The following PCDHA2 variants were observed in gnomAD, a reference collection of about 807,000 sequenced individuals.
PCDHA2 encodes the protein protocadherin alpha-2.
A neutral mutation model predicts 66.0 loss-of-function variants in PCDHA2; 58 were observed. The ratio of observed to expected loss-of-function variants is 0.88; its 90% confidence interval spans 0.71 to 1.09. The LOEUF (loss-of-function observed/expected upper bound fraction) is 1.09. PCDHA2 is among the 50% of genes least tolerant of loss of function. The pLI, the probability that PCDHA2 is intolerant of heterozygous loss-of-function variation, is 0.00. For missense variants in PCDHA2, 1,267 were observed against 1,242.3 expected (o/e 1.02, Z -0.30); for synonymous variants, 634 against 554.0 (o/e 1.14, Z -2.03).
intron 1 of PCDHA2, chr5:140,823,980 G>T (rs2150131135): frequency 1.9e-6 from 3 of 1,614,052 alleles, no homozygotes; most frequent in East Asian, 2.2e-5. Flanking sequence ...CACGGGGCAA[G>T]CCCACTCTGT....
intron 3 of PCDHA2, among the ~76,000 whole-genome samples, chr5:141,007,174 G>A (rs926344346): frequency 6.6e-6 from 1 of 152,118 alleles, no homozygotes; most frequent in African/African-American, 2.4e-5. Context: ...AGAGAGAAAG[G>A]TCAGGAGAAT....
intron 1 of PCDHA2, chr5:140,836,420 G>C (rs2150260462): frequency 6.2e-7 from 1 of 1,613,810 alleles, no homozygotes; most frequent in Non-Finnish European, 8.5e-7. Context: ...CAAAGGCGTC[G>C]TCGCGGGCAT....
At chr5:140,949,670 T>G (rs1218670800) in intron 1 of PCDHA2, among the ~76,000 whole-genome samples, 2 of 151,862 alleles carry the variant, frequency 1.3e-5, no homozygotes, top group African/African-American at 4.8e-5. Flanking sequence ...CTTTAAAGTA[T>G]GCCCTTGTTG....
At chr5:140,894,717 A>G (rs1349709964) in intron 1 of PCDHA2, among the ~76,000 whole-genome samples, 1 of 151,920 alleles carries the variant, frequency 6.6e-6, no homozygotes, top group Non-Finnish European at 1.5e-5. Flanking sequence ...GTTGTTTTCA[A>G]ATATTACGTA....
intron 1 of PCDHA2, chr5:140,802,128 G>A (rs782244607): frequency 1.2e-6 from 2 of 1,614,194 alleles, no homozygotes; most frequent in East Asian, 2.2e-5. Context: ...CATAGATTTC[G>A]AGGAAAGTAA....
chr5:140,806,621 A>C (rs1228177871), intron 1 of PCDHA2, among the ~76,000 whole-genome samples: 2 of 144,986 alleles, frequency 1.4e-5, no homozygotes, highest in Admixed American at 7.1e-5. Context: ...CAAGTCAACA[A>C]CACCAGAAAT....
chr5:140,875,949 T>C (rs1306170767), intron 1 of PCDHA2: 2 of 1,614,096 alleles, frequency 1.2e-6, no homozygotes, highest in African/African-American at 2.7e-5. Context: ...GCGCTTCTGA[T>C]GCGGATATCG....
chr5:140,816,591 G>A (rs1765953381), intron 1 of PCDHA2: 1 of 151,370 alleles, frequency 6.6e-6, no homozygotes, highest in Non-Finnish European at 1.5e-5. Context: ...TTATTACTTT[G>A]TGTTGATATC....
At chr5:140,927,502 A>G (rs1554204633) in intron 1 of PCDHA2, 1 of 1,614,134 alleles carries the variant, frequency 6.2e-7, no homozygotes, top group Non-Finnish European at 8.5e-7. Context: ...GCTGGTGCTT[A>G]CAGCTCGGGA....
intron 1 of PCDHA2, chr5:140,835,997 C>T (rs2150249894): frequency 6.2e-7 from 1 of 1,613,306 alleles, no homozygotes; most frequent in Non-Finnish European, 8.5e-7. Flanking sequence ...TGAGCGCGCG[C>T]GATGCGGGCG....
chr5:140,985,801 A>G (rs2097171670), intron 3 of PCDHA2, among the ~76,000 whole-genome samples: 1 of 135,588 alleles, frequency 7.4e-6, no homozygotes, highest in Admixed American at 8.6e-5. Flanking sequence ...GTGCAGTGGC[A>G]CGATCTCAGC....
chr5:140,867,157 C>T (rs1194187128), intron 1 of PCDHA2: 2 of 152,166 alleles, frequency 1.3e-5, no homozygotes, highest in East Asian at 3.9e-4. Context: ...CCAGAGTAAA[C>T]CTTCTAAGGT....
At chr5:140,833,341 A>G (rs1049850586) in intron 1 of PCDHA2, among the ~76,000 whole-genome samples, 8 of 152,226 alleles carry the variant, frequency 5.3e-5, no homozygotes, top group African/African-American at 1.9e-4. Context: ...GGAGTGAAAC[A>G]TTCCAGAAAA....
At chr5:140,863,314 T>A in intron 1 of PCDHA2, 1 of 1,458,118 alleles carries the variant, frequency 6.9e-7, no homozygotes, top group Non-Finnish European at 9.3e-7. Context: ...CTGCGTGGTG[T>A]CCAGCCTGTT....
rs1417954039 is a variant in PCDHA2, at chr5:140,828,944, G to A, written c.2388+31592G>A. The A allele has an allele frequency of 3.7e-6, 6 of 1,614,124 alleles. No homozygotes were observed. In the African/African-American group the frequency reaches 4.0e-5, roughly 11 times the overall value. On this transcript the variant is annotated intron_variant, in intron 1 of 3. Transcript: ENST00000526136. ...AATTTCATATTCTTTTAATAGCCTT[G>A]TTGCAGCCATGGTTATTGACCACTT...
chr5:141,009,946 A>G lies in PCDHA2; in HGVS notation c.*9A>G, dbSNP rs781855183. On this transcript the variant is annotated 3_prime_UTR_variant, in exon 4 of 4. Transcript: ENST00000526136. ...ACAACAGTGACCAGTGAGGTCCTCA[A>G]ATGGAAACAAGCCACTTAGCCAGTT... 8.8e-6 allele frequency: 14 copies of G among 1,596,354 alleles called. No homozygotes were observed. The highest frequency in any genetic ancestry group is 1.7e-4 in the Middle Eastern group (1 of 5,948).
chr5:140,869,933 T>A, intron 1 of PCDHA2: 1 of 1,611,316 alleles, frequency 6.2e-7, no homozygotes, highest in Non-Finnish European at 8.5e-7. Context: ...AATGGAGAGG[T>A]AACATACTCC....
At chr5:140,917,118 G>A (rs961408905) in intron 1 of PCDHA2, among the ~76,000 whole-genome samples, 2 of 152,106 alleles carry the variant, frequency 1.3e-5, no homozygotes, top group African/African-American at 2.4e-5. Context: ...CTCCAAGTGC[G>A]CAGACTCCCC....
Position 141,010,110 on chromosome 5 carries a change from A to C in PCDHA2, c.*173A>C. On this transcript the variant is annotated 3_prime_UTR_variant, in exon 4 of 4. Coordinates refer to ENST00000526136, the MANE Select transcript of PCDHA2 (RefSeq NM_018905.3). ...GAACGCATTTAACAGGTTTTGTCGT[A>C]AAAGCTTTACTAAGTCTGGTGTTAA... 6.2e-7 allele frequency: 1 copy of C among 1,611,166 alleles called. No individual in the cohort carries two copies. The highest frequency in any genetic ancestry group is 8.5e-7 in the Non-Finnish European group (1 of 1,178,396).
Sources: allele counts gnomAD v4.1 joint callset (sites outside exome capture counted in the v4.1 genomes callset), GRCh38; gene constraint gnomAD v4.1.1; transcripts MANE v1.5; gene names NCBI Gene and HGNC (gene_info 2026-07-23, HGNC 2026-07-21).